The following RHOBTB2 variants were observed in gnomAD, a reference collection of about 807,000 sequenced individuals.
RHOBTB2 encodes the protein Rho related BTB domain containing 2, also known as rho-related BTB domain-containing protein 2.
RHOBTB2 carries 39 observed loss-of-function variants against 66.5 expected under a neutral mutation model. The observed-to-expected ratio is 0.59, with a 90% CI of 0.45 to 0.77. RHOBTB2 has a LOEUF of 0.77. Ranked by LOEUF, RHOBTB2 falls within the 30% of genes least tolerant of loss-of-function variation. The pLI is 0.00. For synonymous variants in RHOBTB2, 390 were observed against 395.0 expected, an observed-to-expected ratio of 0.99 and a Z score of 0.15; for missense variants, 755 against 999.1, an observed-to-expected ratio of 0.76 and a Z score of 3.29.
At chr8:22,977,433 A>C in the RHOBTB2 span, among the ~76,000 whole-genome samples, 1 of 152,036 alleles carries the variant, frequency 6.6e-6, no homozygotes, top group African/African-American at 2.4e-5. Context: ...TTAGCTGGGC[A>C]TGGTGGTGTG....
rs1200004627 is a variant in RHOBTB2, at chr8:23,006,253, G to A, written c.482+108G>A. 2 of 970,810 alleles carry A rather than the reference G, an allele frequency of 2.1e-6. No homozygotes were observed. The highest frequency in any genetic ancestry group is 3.1e-6 in the Non-Finnish European group (2 of 648,810). The allele number at this position is 970,810 out of a possible 1,614,324, so 60.1% of individuals were successfully genotyped here. A position where few individuals can be genotyped will look rare whatever the true frequency, so the allele number is the denominator to read the frequency against. On this transcript the variant is annotated intron_variant, in intron 4 of 9. Transcript: ENST00000251822. The surrounding 1 kb of genome is among the most constrained non-coding windows in gnomAD (Gnocchi z 6.1). Reference sequence around the variant, plus strand: ...GAGCCTCATATCTCTCCCTCCATTTGGAGCAAGCTTGCATTGGGAGTCAAC... The same window carrying A: ...GAGCCTCATATCTCTCCCTCCATTTAGAGCAAGCTTGCATTGGGAGTCAAC...
At chr8:22,994,581 G>A (rs1810497804), upstream of RHOBTB2, 2 of 1,551,250 alleles carry the variant, frequency 1.3e-6, no homozygotes, top group South Asian at 2.4e-5. Context: ...GGAACACAGA[G>A]CGATGCAAGC....
At chr8:22,990,661 T>C (rs545917636) in intron 1 of RHOBTB2, among the ~76,000 whole-genome samples, 3 of 152,262 alleles carry the variant, frequency 2.0e-5, no homozygotes, top group African/African-American at 7.2e-5. Flanking sequence ...AGAGTGAATG[T>C]TTCCAGGCAA....
At chr8:22,981,536 T>C in the RHOBTB2 span, among the ~76,000 whole-genome samples, 1 of 152,124 alleles carries the variant, frequency 6.6e-6, no homozygotes, top group East Asian at 1.9e-4. Flanking sequence ...GCCAAACAGA[T>C]TCATTTGAAT....
the RHOBTB2 span, among the ~76,000 whole-genome samples, chr8:22,975,050 C>T: frequency 3.9e-5 from 6 of 152,124 alleles, no homozygotes; most frequent in African/African-American, 1.4e-4. Context: ...AAACATCTCC[C>T]CCAATACTGC....
the RHOBTB2 span, among the ~76,000 whole-genome samples, chr8:22,966,358 A>G: frequency 6.6e-6 from 1 of 152,166 alleles, no homozygotes; most frequent in African/African-American, 2.4e-5. Flanking sequence ...GTCTCAAAAA[A>G]AAAGAAAAGA....
Position 23,004,670 on chromosome 8 carries a change from C to A in RHOBTB2, c.192+44C>A. The A allele has an allele frequency of 1.3e-6, 2 of 1,563,280 alleles. No individual in the cohort carries two copies. The highest frequency in any genetic ancestry group is 1.1e-5 in the South Asian group (1 of 87,384). On this transcript the variant is annotated intron_variant, in intron 2 of 9. Transcript: ENST00000251822. The surrounding 1 kb of genome is among the most constrained non-coding windows in gnomAD (Gnocchi z 6.4). Reference sequence around the variant, plus strand: ...CTGGCTGGGGGTCCACGCCATGAGTCTGGGCTTGGGGGCTTCCTGAGGCAT... The same window carrying A: ...CTGGCTGGGGGTCCACGCCATGAGTATGGGCTTGGGGGCTTCCTGAGGCAT...
chr8:22,964,181 G>A, the RHOBTB2 span, among the ~76,000 whole-genome samples: 1 of 151,992 alleles, frequency 6.6e-6, no homozygotes, highest in African/African-American at 2.4e-5. Context: ...AACCGCACAG[G>A]AAAGACCCGC....
At chr8:22,967,325 C>T in the RHOBTB2 span, among the ~76,000 whole-genome samples, 3 of 152,076 alleles carry the variant, frequency 2.0e-5, no homozygotes, top group African/African-American at 7.2e-5. Context: ...AGGGTAAATA[C>T]TGGCTGGGCA....
chr8:23,010,424 G>C, intron 6 of RHOBTB2, 114 bp from the exon 7 acceptor site: 1 of 1,219,474 alleles, frequency 8.2e-7, no homozygotes, highest in Non-Finnish European at 1.1e-6. Flanking sequence ...AGGGAAGGCT[G>C]CCCGTCTGGG....
At chr8:22,986,443 G>C (rs1015421931), upstream of RHOBTB2, among the ~76,000 whole-genome samples, 1 of 151,574 alleles carries the variant, frequency 6.6e-6, no homozygotes, top group Non-Finnish European at 1.5e-5. Context: ...ATTTTTTGTA[G>C]AGACGGGGTT....
At chr8:22,989,729 G>A (rs911270657) in intron 1 of RHOBTB2, among the ~76,000 whole-genome samples, 1 of 152,240 alleles carries the variant, frequency 6.6e-6, no homozygotes, top group African/African-American at 2.4e-5. Context: ...AACTAGCCGT[G>A]ACTTTGCGTA....
the RHOBTB2 span, among the ~76,000 whole-genome samples, chr8:22,966,821 G>A: frequency 3.6e-3 from 540 of 152,076 alleles, 1 homozygote; most frequent in African/African-American, 0.012. Context: ...TAATAAGTAC[G>A]CAGACCATAC....
At position 23,006,713 on chromosome 8, in the gene RHOBTB2, T is replaced by C; in HGVS notation, c.483-15T>C. On this transcript the variant is annotated splice_polypyrimidine_tract_variant and intron_variant, in intron 4 of 9. Coordinates refer to ENST00000251822, the MANE Select transcript of RHOBTB2 (RefSeq NM_015178.3). This position sits in a 1 kb window ranked among gnomAD's most constrained non-coding sequence, Gnocchi z 6.1. ...ACCACCAACACAAGCTTGGTTTCCTTCTTGAACCTACCAGGCCCATCAAAC... is the reference window on the plus strand; with the variant it reads ...ACCACCAACACAAGCTTGGTTTCCTCCTTGAACCTACCAGGCCCATCAAAC... 6.3e-7 allele frequency: 1 copy of C among 1,596,518 alleles called. No homozygotes were observed. Among genetic ancestry groups the C allele is most frequent in the Non-Finnish European group, 8.6e-7 (1 of 1,168,478 alleles).
intron 1 of RHOBTB2, among the ~76,000 whole-genome samples, chr8:22,991,655 C>T (rs578171153): frequency 2.0e-5 from 3 of 152,302 alleles, no homozygotes; most frequent in East Asian, 1.9e-4. Context: ...CTCCACTCCA[C>T]GGCTTTTACA....
chr8:22,962,210 AAAAGGAAAG>A, the RHOBTB2 span, among the ~76,000 whole-genome samples: 10 of 130,340 alleles, frequency 7.7e-5, no homozygotes, highest in East Asian at 2.2e-4. Flanking sequence ...AAAAAAAAAA[AAAAGGAAAG>A]AAAGAGAAAG....
intron 8 of RHOBTB2, 87 bp from the exon 9 acceptor site, chr8:23,015,551 C>A: frequency 1.1e-6 from 1 of 909,166 alleles, no homozygotes. Flanking sequence ...TGCACCAGAG[C>A]TTCAGCTCTG....
the RHOBTB2 span, among the ~76,000 whole-genome samples, chr8:22,957,662 CAG>C: frequency 6.6e-6 from 1 of 152,182 alleles, no homozygotes; most frequent in African/African-American, 2.4e-5. Flanking sequence ...TAACAGGGCA[CAG>C]GGGGAAGGTT....
the RHOBTB2 span, among the ~76,000 whole-genome samples, chr8:22,961,081 TG>T: frequency 6.6e-6 from 1 of 152,132 alleles, no homozygotes; most frequent in Non-Finnish European, 1.5e-5. Flanking sequence ...ATTAGTTTTT[TG>T]TAGAGAAGGG....
Sources: gnomAD v4.1 joint callset for allele counts (sites outside exome capture counted in the v4.1 genomes callset) on GRCh38, gnomAD v4.1.1 for gene constraint, Gnocchi (gnomAD v3.1) non-coding constraint, MANE v1.5 for transcripts, NCBI Gene and HGNC (gene_info 2026-07-23, HGNC 2026-07-21) for gene names.